The following S100A8 variants were observed in gnomAD, a reference collection of about 807,000 sequenced individuals.
The protein encoded by S100A8 is S100 calcium binding protein A8.
A neutral mutation model predicts 4.2 loss-of-function variants in S100A8; 1 was observed. That is an observed-to-expected ratio of 0.24 (90% CI 0.08 to 1.12). The LOEUF is 1.12. Ranked by LOEUF, S100A8 falls within the 50% of genes most tolerant of loss-of-function variation. The pLI is 0.53. For synonymous variants in S100A8, 41 were observed against 44.7 expected, an observed-to-expected ratio of 0.92 and a Z score of 0.33; for missense variants, 96 against 111.8, an observed-to-expected ratio of 0.86 and a Z score of 0.64.
chr1:153,405,219 C>T, the S100A8 span, among the ~76,000 whole-genome samples: 1 of 151,838 alleles, frequency 6.6e-6, no homozygotes, highest in Non-Finnish European at 1.5e-5. Context: ...TCTCAGGGTA[C>T]GCTTGGGTCA....
chr1:153,417,032 C>CTGGCCT, the S100A8 span, among the ~76,000 whole-genome samples: 3 of 152,266 alleles, frequency 2.0e-5, no homozygotes, highest in Admixed American at 2.0e-4. Flanking sequence ...GGCTTGGCCT[C>CTGGCCT]TGGCCTTGGC....
At chr1:153,401,288 C>G in the S100A8 span, among the ~76,000 whole-genome samples, 1 of 152,140 alleles carries the variant, frequency 6.6e-6, no homozygotes, top group African/African-American at 2.4e-5. Context: ...TAATGTTTAT[C>G]AGAATTTTGC....
At chr1:153,397,794 G>C in the S100A8 span, among the ~76,000 whole-genome samples, 1 of 152,144 alleles carries the variant, frequency 6.6e-6, no homozygotes, top group Non-Finnish European at 1.5e-5. Context: ...AGAGGAGCTG[G>C]AGGCTTCCTG....
the S100A8 span, chr1:153,420,252 G>A: frequency 6.6e-6 from 1 of 152,338 alleles, no homozygotes; most frequent in Admixed American, 6.5e-5. Flanking sequence ...ATGGGCTGAG[G>A]ATGCAGAAAC....
At chr1:153,400,759 C>T in the S100A8 span, among the ~76,000 whole-genome samples, 1 of 152,204 alleles carries the variant, frequency 6.6e-6, no homozygotes, top group Non-Finnish European at 1.5e-5. Context: ...GTTCAGCCAT[C>T]ATTACCCTGG....
the S100A8 span, among the ~76,000 whole-genome samples, chr1:153,410,133 G>A: frequency 1.3e-5 from 2 of 152,140 alleles, no homozygotes; most frequent in Non-Finnish European, 1.5e-5. Context: ...TAAGATCAGA[G>A]CAGAACTGAA....
chr1:153,411,215 G>A, the S100A8 span, among the ~76,000 whole-genome samples: 1 of 152,218 alleles, frequency 6.6e-6, no homozygotes, highest in Non-Finnish European at 1.5e-5. Context: ...TGACATGATT[G>A]TATATCTAGA....
the S100A8 span, among the ~76,000 whole-genome samples, chr1:153,407,827 A>G: frequency 3.9e-5 from 6 of 152,226 alleles, no homozygotes; most frequent in Non-Finnish European, 7.3e-5. Context: ...GCTGTTCTGC[A>G]GCCTCCGCTG....
the S100A8 span, among the ~76,000 whole-genome samples, chr1:153,408,651 G>T: frequency 6.6e-6 from 1 of 152,058 alleles, no homozygotes; most frequent in Non-Finnish European, 1.5e-5. Flanking sequence ...TCCTCGAAAA[G>T]AGCAACTACA....
chr1:153,399,252 C>T, the S100A8 span, among the ~76,000 whole-genome samples: 1,112 of 152,348 alleles, frequency 7.3e-3, 6 homozygotes, highest in Non-Finnish European at 0.011. Flanking sequence ...TGTTGTGATG[C>T]TTCACAGGTC....
the S100A8 span, among the ~76,000 whole-genome samples, chr1:153,408,171 C>A: frequency 6.6e-6 from 1 of 152,148 alleles, no homozygotes; most frequent in Non-Finnish European, 1.5e-5. Flanking sequence ...TAATAACAAA[C>A]TTCTCCGAGC....
the S100A8 span, among the ~76,000 whole-genome samples, chr1:153,404,354 T>C: frequency 9.3e-4 from 142 of 152,302 alleles, no homozygotes; most frequent in African/African-American, 3.2e-3. Context: ...GCTCCAGCCC[T>C]CTAATCACAT....
chr1:153,405,059 C>T, the S100A8 span, among the ~76,000 whole-genome samples: 2 of 152,080 alleles, frequency 1.3e-5, no homozygotes, highest in South Asian at 2.1e-4. Context: ...TACAGTCCTC[C>T]TTGGCCAAGG....
upstream of S100A8, among the ~76,000 whole-genome samples, chr1:153,392,008 C>G (rs1343763738): frequency 3.3e-5 from 5 of 152,202 alleles, no homozygotes; most frequent in African/African-American, 4.8e-5. Flanking sequence ...CCACCACTAA[C>G]AAAATGCTAC....
the S100A8 span, among the ~76,000 whole-genome samples, chr1:153,412,819 T>C: frequency 6.6e-6 from 1 of 152,070 alleles, no homozygotes; most frequent in East Asian, 1.9e-4. Flanking sequence ...AAAGGATGAG[T>C]TCATGTCCTT....
chr1:153,419,109 T>C, the S100A8 span: 21 of 1,606,402 alleles, frequency 1.3e-5, no homozygotes, highest in Non-Finnish European at 1.6e-5. Flanking sequence ...TGTTTGTGAT[T>C]GAATTTTTCT....
At chr1:153,390,306 C>T in intron 2 of S100A8, 63 bp from the exon 3 acceptor site, 2 of 1,602,010 alleles carry the variant, frequency 1.2e-6, no homozygotes, top group Non-Finnish European at 1.7e-6. Context: ...GAGGCATAGC[C>T]ATCTATGAAG....
At chr1:153,416,732 T>A in the S100A8 span, among the ~76,000 whole-genome samples, 2 of 152,212 alleles carry the variant, frequency 1.3e-5, no homozygotes, top group African/African-American at 4.8e-5. Context: ...AAAGCCCACG[T>A]CTGTACAACC....
At chr1:153,398,400 G>A in the S100A8 span, among the ~76,000 whole-genome samples, 22,615 of 152,056 alleles carry the variant, frequency 0.15, 1,979 homozygotes, top group African/African-American at 0.25. Flanking sequence ...GGTTAGGGGG[G>A]CCACCGCAGT....
Sources: allele counts gnomAD v4.1 joint callset (sites outside exome capture counted in the v4.1 genomes callset), GRCh38; gene constraint gnomAD v4.1.1; transcripts MANE v1.5; gene names NCBI Gene and HGNC (gene_info 2026-07-23, HGNC 2026-07-21).